Variants in FRMD1 observed in about 807,000 individuals in gnomAD.
FRMD1 encodes the protein FERM domain-containing protein 1.
A neutral mutation model predicts 54.9 loss-of-function variants in FRMD1; 51 were observed. The observed-to-expected ratio is 0.93, with a 90% confidence interval of 0.74 to 1.17. The LOEUF (loss-of-function observed/expected upper bound fraction) is 1.17, where lower values mean the gene tolerates loss of function less well. Among genes scored for constraint, FRMD1 ranks in the 50% most tolerant of loss-of-function variants. The pLI, the probability that FRMD1 is intolerant of heterozygous loss-of-function variation, is 0.00. For missense variants in FRMD1, 729 were observed against 743.0 expected, an observed-to-expected ratio of 0.98 and a Z score of 0.22; for synonymous variants, 324 against 306.4, an observed-to-expected ratio of 1.06 and a Z score of -0.60.
At chr6:168,064,784 C>T (rs1398659767) in intron 5 of FRMD1, 87 bp downstream of exon 5, 4 of 1,482,646 alleles carry the variant, frequency 2.7e-6, no homozygotes, top group Non-Finnish European at 3.6e-6. Flanking sequence ...GCCAGGCCCT[C>T]AGTCCCCTGC....
rs1398252661 is a variant in FRMD1 at position 168,064,997 on chromosome 6, C to T, written c.522G>A (p.Gln174=). The change falls in exon 5 of 11, where the codon CAG becomes CAA. Residue 174 remains glutamine, a synonymous_variant. Transcript: ENST00000283309. ...CHLKERVLRS[Q]CAHREEAYFL... Reference sequence around the variant, plus strand: ...AGTAGGCTTCCTCCCGGTGAGCGCACTGTGACCTCAGCACGCGCTCCTTCA... The same window carrying T: ...AGTAGGCTTCCTCCCGGTGAGCGCATTGTGACCTCAGCACGCGCTCCTTCA... The T allele has an allele frequency of 1.2e-6, 2 of 1,611,846 alleles. No individual in the cohort carries two copies. The highest frequency in any genetic ancestry group is 2.7e-5 in the African/African-American group (2 of 74,948).
chr6:168,078,995 T>C lies in FRMD1; in HGVS notation c.100A>G (p.Arg34Gly). 6.2e-7 allele frequency: 1 copy of C among 1,612,408 alleles called. No individual in the cohort carries two copies. ...GARCMEPSPE[R>G]PACSQQEPTL... Reference sequence around the variant, plus strand: ...GGCTCCTGCTGACTGCATGCAGGCCTCTCAGGACTGGGTTCCATACATCGC... The same window carrying C: ...GGCTCCTGCTGACTGCATGCAGGCCCCTCAGGACTGGGTTCCATACATCGC... Residue 34 changes from arginine (R) to glycine (G), a missense_variant, in exon 1 of 11, where the codon AGG (arginine) becomes GGG (glycine). Physicochemically the swap from Arg to Gly is moderately radical, Grantham distance 125 (BLOSUM62 -2). Transcript: ENST00000283309.
Position 168,079,208 on chromosome 6 carries a change from GA to G in FRMD1, c.-115del, listed in dbSNP as rs1800758568. 9 of 1,426,716 alleles carry G rather than the reference GA, an allele frequency of 6.3e-6. No individual in the cohort carries two copies. The South Asian group carries it at 1.2e-4, about 19-fold the overall frequency. The allele number at this position is 1,426,716 out of a possible 1,614,324, so 88.4% of individuals were successfully genotyped here. A position where few individuals can be genotyped will look rare whatever the true frequency, so the allele number is the denominator to read the frequency against. Reference sequence around the variant, plus strand: ...CTTGCCGAGCTTCTCACTGGGAAGGGAATTGAGAGGGAAGCCTGGGCTGGGA... The same window carrying G: ...CTTGCCGAGCTTCTCACTGGGAAGGGATTGAGAGGGAAGCCTGGGCTGGGA... On this transcript the variant is annotated 5_prime_UTR_variant, in exon 1 of 11. Coordinates refer to ENST00000283309, the MANE Select transcript of FRMD1 (RefSeq NM_024919.6).
chr6:168,063,204 G>A (rs553009087), intron 6 of FRMD1, among the ~76,000 whole-genome samples: 32 of 152,266 alleles, frequency 2.1e-4, no homozygotes, highest in African/African-American at 6.7e-4. Flanking sequence ...TGGCCATGCC[G>A]GGCCCGGGGT....
intron 4 of FRMD1, chr6:168,065,426 A>G (rs2114978634): frequency 9.8e-7 from 1 of 1,025,508 alleles, no homozygotes; most frequent in East Asian, 9.0e-5. Flanking sequence ...GACAACTTGA[A>G]TCCCTGGATG....
chr6:168,088,923 C>G (rs1039886697), intron 1 of FRMD1, among the ~76,000 whole-genome samples: 2 of 152,282 alleles, frequency 1.3e-5, no homozygotes, highest in African/African-American at 4.8e-5. Flanking sequence ...TGTCAACCTC[C>G]CCACTCCTTG....
intron 3 of FRMD1, 181 bp downstream of exon 3, chr6:168,067,186 T>G (rs925818222): frequency 1.5e-6 from 1 of 680,260 alleles, no homozygotes; most frequent in African/African-American, 1.8e-5. Flanking sequence ...GTGCCTGCCC[T>G]CTCCCACCCC....
rs1172844492 is a variant in FRMD1, at chr6:168,066,809, G to A, written c.407C>T (p.Pro136Leu). ...RNEGNEKPRA[P>L]FVAFLRVQHY... ...CTGCACTCGGAGGAAGGCCACGAAG[G>A]GGGCTCTGGGTTTCTCATTTCCCTA... is the stretch of plus-strand genomic sequence containing the variant. Residue 136 changes from proline to leucine, a missense_variant, in exon 4 of 11, where the codon CCC becomes CTC. Physicochemically the swap from Pro to Leu is moderately conservative, Grantham distance 98. Coordinates refer to ENST00000283309, the MANE Select transcript of FRMD1 (RefSeq NM_024919.6). 2 of 1,613,820 alleles carry A rather than the reference G, an allele frequency of 1.2e-6. No individual in the cohort carries two copies. Among genetic ancestry groups the A allele is most frequent in the Admixed American group, 1.7e-5 (1 of 59,952 alleles).
At chr6:168,078,540 G>GGCCACCCGGA (rs1800692461) in intron 1 of FRMD1, among the ~76,000 whole-genome samples, 1 of 105,044 alleles carries the variant, frequency 9.5e-6, no homozygotes. Flanking sequence ...TCACCCCCAC[G>GGCCACCCGGA]GCCCTGCTCA....
chr6:168,060,220 G>A, intron 9 of FRMD1, among the ~76,000 whole-genome samples: 1 of 115,688 alleles, frequency 8.6e-6, no homozygotes, highest in East Asian at 3.3e-4. Context: ...GGAGTGGGGG[G>A]TTTCCTAGGA....
chr6:168,057,155 C>T lies in FRMD1; in HGVS notation c.1592G>A (p.Ser531Asn), dbSNP rs761889989. Reference protein sequence around the residue: ...TRATLPSKRSSNCLALDLFGE... With the variant: ...TRATLPSKRSNNCLALDLFGE... ...GAACAGGTCCAGGGCGAGACAGTTG[C>T]TGGACCTCTTGCTGGGGAGAGTGGC... Residue 531 changes from serine to asparagine, a missense_variant, in exon 11 of 11, where the codon AGC (serine) becomes AAC (asparagine). Transcript: ENST00000283309. 1.3e-6 allele frequency: 2 copies of T among 1,569,258 alleles called. No individual in the cohort carries two copies. Among genetic ancestry groups the T allele is most frequent in the Non-Finnish European group, 1.7e-6 (2 of 1,156,898 alleles).
chr6:168,086,697 A>G (rs1209320462), intron 1 of FRMD1, among the ~76,000 whole-genome samples: 1 of 152,212 alleles, frequency 6.6e-6, no homozygotes, highest in East Asian at 1.9e-4. Context: ...CTGATCATGC[A>G]TCCCTTGGGC....
chr6:168,078,882 C>T lies in FRMD1; in HGVS notation c.213G>A (p.Gly71=), dbSNP rs80239946. The T allele has an allele frequency of 0.031, 48,770 of 1,581,192 alleles. 903 individuals carry two copies. The highest frequency in any genetic ancestry group is 0.075 in the East Asian group (3,329 of 44,382). ...CACGGCCACCCAGGGCCCTGCTCAC[C>T]CCCACGGCCAGCCGCAGTTGCTCCC... ...PSREQLRLAV[G]VKATGRELFQ... Residue 71 remains glycine (G), a splice_region_variant and synonymous_variant, in exon 1 of 11, where the codon GGG becomes GGA. Coordinates refer to ENST00000283309, the MANE Select transcript of FRMD1 (RefSeq NM_024919.6).
At chr6:168,080,282 C>T (rs1205908290), upstream of FRMD1, among the ~76,000 whole-genome samples, 1 of 152,140 alleles carries the variant, frequency 6.6e-6, no homozygotes, top group East Asian at 1.9e-4. Context: ...CCCTCCCTCC[C>T]TCCCTCCGCT....
chr6:168,059,217 G>C lies in FRMD1; in HGVS notation c.1343-29C>G, dbSNP rs757823860. ...TGGGAGGAGGCAGCCGTGAGCACAG[G>C]TGTCTGGGTTCTGCCCGACATGGCT... On this transcript the variant is annotated intron_variant, in intron 9 of 10. Transcript: ENST00000283309. This position sits in a 1 kb window ranked among gnomAD's most constrained non-coding sequence, Gnocchi z 4.4. The C allele has an allele frequency of 5.8e-6, 9 of 1,557,914 alleles. No individual in the cohort carries two copies. The Admixed American group carries it at 1.5e-4, about 26-fold the overall frequency.
chr6:168,058,915 G>A (rs1799563747), intron 10 of FRMD1, among the ~76,000 whole-genome samples: 1 of 152,132 alleles, frequency 6.6e-6, no homozygotes, highest in South Asian at 2.1e-4. Flanking sequence ...GACTCACTCG[G>A]CCCTGAGGCT....
At chr6:168,061,362 C>CA (rs1470532370) in intron 8 of FRMD1, among the ~76,000 whole-genome samples, 1 of 150,968 alleles carries the variant, frequency 6.6e-6, no homozygotes, top group Non-Finnish European at 1.5e-5. Context: ...GTCTTGTGCT[C>CA]AGGTGAGGAT....
In FRMD1 at chr6:168,057,060, C is replaced by G. The variant is rs1799439392; in HGVS notation, c.*37G>C. On this transcript the variant is annotated 3_prime_UTR_variant, in exon 11 of 11. Coordinates refer to ENST00000283309, the MANE Select transcript of FRMD1 (RefSeq NM_024919.6). ...GGAAGTGGGGTGGGCAGGGGCTGAG[C>G]CTGGCGGTGCGGACGGTACTGCTGG... is the stretch of plus-strand genomic sequence containing the variant. 1 of 1,439,392 alleles carries G rather than the reference C, an allele frequency of 6.9e-7. No homozygotes were observed. The highest frequency in any genetic ancestry group is 9.1e-7 in the Non-Finnish European group (1 of 1,093,596). The allele number at this position is 1,439,392 out of a possible 1,614,324, so 89.2% of individuals were successfully genotyped here. A position where few individuals can be genotyped will look rare whatever the true frequency, so the allele number is the denominator to read the frequency against.
upstream of FRMD1, chr6:168,081,377 G>C (rs1385435247): frequency 2.6e-6 from 4 of 1,534,886 alleles, no homozygotes; most frequent in Non-Finnish European, 3.5e-6. Context: ...TGGCCTGTTC[G>C]TGATGGAAGA....
Sources: gnomAD v4.1 joint callset for allele counts (sites outside exome capture counted in the v4.1 genomes callset) on GRCh38, gnomAD v4.1.1 for gene constraint, Gnocchi (gnomAD v3.1) non-coding constraint, MANE v1.5 for transcripts, NCBI Gene and HGNC (gene_info 2026-07-23, HGNC 2026-07-21) for gene names.